Variants in TRAPPC9 observed in about 807,000 individuals in gnomAD.
TRAPPC9 encodes IKK2 binding protein.
In TRAPPC9, 83 loss-of-function variants were observed where a neutral mutation model predicts 124.0. That is an observed-to-expected ratio of 0.67 (90% CI 0.56 to 0.80). The LOEUF (loss-of-function observed/expected upper bound fraction) is 0.80, where lower values mean the gene tolerates loss of function less well. Among genes scored for constraint, TRAPPC9 ranks in the 30% least tolerant of loss-of-function variants. TRAPPC9 has a pLI of 0.00. For synonymous variants in TRAPPC9, 638 were observed against 617.5 expected, an observed-to-expected ratio of 1.03 and a Z score of -0.49; for missense variants, 1,302 against 1,508.3, an observed-to-expected ratio of 0.86 and a Z score of 2.27.
At chr8:140,122,728 C>T (rs2061011104) in intron 17 of TRAPPC9, among the ~76,000 whole-genome samples, 1 of 152,116 alleles carries the variant, frequency 6.6e-6, no homozygotes, top group Admixed American at 6.5e-5. Flanking sequence ...ACAAAGCTGC[C>T]TCAGGTGTCT....
chr8:139,813,238 C>T (rs542479120), intron 21 of TRAPPC9, among the ~76,000 whole-genome samples: 6 of 152,318 alleles, frequency 3.9e-5, no homozygotes, highest in South Asian at 4.1e-4. Flanking sequence ...GAGTAAGTCA[C>T]GTCCCCTCTT....
chr8:140,020,219 T>C (rs1839750720), intron 18 of TRAPPC9, among the ~76,000 whole-genome samples: 1 of 152,208 alleles, frequency 6.6e-6, no homozygotes, highest in South Asian at 2.1e-4. Flanking sequence ...ATGAATTTAT[T>C]TGTTCATACT....
At chr8:140,329,652 T>G (rs1208140143) in intron 9 of TRAPPC9, among the ~76,000 whole-genome samples, 3 of 152,206 alleles carry the variant, frequency 2.0e-5, no homozygotes, top group African/African-American at 7.2e-5. Flanking sequence ...ACCCCAGGCT[T>G]CTTGAATCTA....
chr8:139,948,278 C>T (rs1474927377), intron 19 of TRAPPC9, among the ~76,000 whole-genome samples: 1 of 151,474 alleles, frequency 6.6e-6, no homozygotes, highest in African/African-American at 2.4e-5. Context: ...CACACACACA[C>T]ACACACACAC....
At chr8:140,015,134 G>T (rs1332227015) in intron 18 of TRAPPC9, among the ~76,000 whole-genome samples, 1 of 152,126 alleles carries the variant, frequency 6.6e-6, no homozygotes, top group Non-Finnish European at 1.5e-5. Context: ...GCTTCTATTT[G>T]CACCAAAATT....
chr8:140,418,691 G>T (rs183702562), intron 5 of TRAPPC9, among the ~76,000 whole-genome samples: 33 of 152,186 alleles, frequency 2.2e-4, no homozygotes, highest in Non-Finnish European at 4.4e-5. Flanking sequence ...CTGCACTCCA[G>T]CCTGGGCGAC....
intron 17 of TRAPPC9, among the ~76,000 whole-genome samples, chr8:140,107,970 G>A (rs1034142081): frequency 6.6e-6 from 1 of 151,948 alleles, no homozygotes; most frequent in Non-Finnish European, 1.5e-5. Context: ...GGGGTGGGGT[G>A]TAGGGGGATG....
In TRAPPC9 at chr8:140,241,143, A is replaced by C. The variant is rs995531410; in HGVS notation, c.2431+11634T>G. Among the ~76,000 whole-genome samples the C allele has an allele frequency of 1.3e-5, 2 of 152,220 alleles. No homozygotes were observed. Among genetic ancestry groups the C allele is most frequent in the Admixed American group, 6.5e-5 (1 of 15,282 alleles). On this transcript the variant is annotated intron_variant, in intron 16 of 22. Transcript: ENST00000438773. This position sits in a 1 kb window ranked among gnomAD's most constrained non-coding sequence, Gnocchi z 5.0. Reference sequence around the variant, plus strand: ...GCCGGGTGTGGTGGCTCACACCTGTAATTCCAGCACTTTAGGAGGCCGAGG... The same window carrying C: ...GCCGGGTGTGGTGGCTCACACCTGTCATTCCAGCACTTTAGGAGGCCGAGG...
intron 20 of TRAPPC9, among the ~76,000 whole-genome samples, chr8:139,892,315 G>T (rs758323566): frequency 3.9e-5 from 6 of 152,186 alleles, no homozygotes; most frequent in African/African-American, 1.4e-4. Flanking sequence ...TCAGGGTAGA[G>T]GGAGGGGAGC....
chr8:140,339,193 T>C (rs1305115876), intron 9 of TRAPPC9, among the ~76,000 whole-genome samples: 2 of 151,918 alleles, frequency 1.3e-5, no homozygotes, highest in Non-Finnish European at 2.9e-5. Context: ...TTCAGATCTC[T>C]GGCCTTACAG....
intron 9 of TRAPPC9, among the ~76,000 whole-genome samples, chr8:140,339,104 G>A (rs2067127086): frequency 6.7e-6 from 1 of 149,956 alleles, no homozygotes; most frequent in African/African-American, 2.5e-5. Flanking sequence ...ACGGCTCAGA[G>A]AAAACCAACG....
intron 19 of TRAPPC9, among the ~76,000 whole-genome samples, chr8:139,940,362 T>C (rs1184038717): frequency 6.6e-6 from 1 of 152,274 alleles, no homozygotes; most frequent in African/African-American, 2.4e-5. Flanking sequence ...TTTGCTATGC[T>C]CTATTCCAAC....
intron 17 of TRAPPC9, among the ~76,000 whole-genome samples, chr8:140,061,899 C>T (rs936598070): frequency 1.3e-5 from 2 of 152,186 alleles, no homozygotes; most frequent in Admixed American, 1.3e-4. Context: ...ACCAGGCCCA[C>T]TCCAACATTA....
At chr8:139,872,285 TGGGC>T (rs1312271786) in intron 21 of TRAPPC9, among the ~76,000 whole-genome samples, 2 of 150,898 alleles carry the variant, frequency 1.3e-5, no homozygotes, top group Admixed American at 6.6e-5. Context: ...GATGGATGGA[TGGGC>T]GGGCTGGTAG....
chr8:140,105,927 C>G (rs1345168234), intron 17 of TRAPPC9, among the ~76,000 whole-genome samples: 1 of 151,906 alleles, frequency 6.6e-6, no homozygotes, highest in Non-Finnish European at 1.5e-5. Context: ...AAGGGTCTGT[C>G]TCTCATCTTT....
At chr8:139,968,168 A>G (rs1396559519) in intron 19 of TRAPPC9, among the ~76,000 whole-genome samples, 2 of 151,818 alleles carry the variant, frequency 1.3e-5, no homozygotes, top group Admixed American at 6.6e-5. Flanking sequence ...ACCAAAAAAC[A>G]AAACAAAATA....
intron 18 of TRAPPC9, among the ~76,000 whole-genome samples, chr8:140,009,271 G>A (rs1258501349): frequency 3.9e-5 from 6 of 152,166 alleles, no homozygotes; most frequent in African/African-American, 1.4e-4. Flanking sequence ...TGGTGCTCTT[G>A]TTATAACAGC....
chr8:139,823,488 A>C (rs185501393), intron 21 of TRAPPC9, among the ~76,000 whole-genome samples: 22 of 152,246 alleles, frequency 1.4e-4, no homozygotes, highest in Admixed American at 3.9e-4. Flanking sequence ...TGCCACGCCA[A>C]GGACTTCAGA....
intron 21 of TRAPPC9, among the ~76,000 whole-genome samples, chr8:139,817,038 TA>T (rs1476154348): frequency 1.5e-5 from 1 of 68,650 alleles, no homozygotes; most frequent in African/African-American, 8.9e-5. Context: ...AGGAAGAACA[TA>T]AACTAAACAC....
Sources: allele counts gnomAD v4.1 joint callset (sites outside exome capture counted in the v4.1 genomes callset), GRCh38; gene constraint gnomAD v4.1.1; non-coding constraint Gnocchi (gnomAD v3.1); transcripts MANE v1.5; gene names NCBI Gene and HGNC (gene_info 2026-07-23, HGNC 2026-07-21).